GRID1: variants seen among roughly 807,000 people sequenced by gnomAD.
GRID1 encodes glutamate receptor ionotropic, delta-1.
A neutral mutation model predicts 98.0 loss-of-function variants in GRID1; 28 were observed. The observed-to-expected ratio is 0.29, with a 90% CI of 0.21 to 0.39. GRID1 has a LOEUF of 0.39. Among genes scored for constraint, GRID1 ranks in the 10% least tolerant of loss-of-function variants. The pLI, the probability that GRID1 is intolerant of heterozygous loss-of-function variation, is 1.00. For missense variants in GRID1, 1,111 were observed against 1,340.5 expected (o/e 0.83, Z 2.67); for synonymous variants, 553 against 538.5 (o/e 1.03, Z -0.37).
intron 2 of GRID1, among the ~76,000 whole-genome samples, chr10:86,214,957 T>C (rs1846154114): frequency 6.6e-6 from 1 of 152,268 alleles, no homozygotes; most frequent in Non-Finnish European, 1.5e-5. Context: ...GTTTTCAAAC[T>C]TGCCAAGGTC....
intron 2 of GRID1, among the ~76,000 whole-genome samples, chr10:86,256,422 A>G (rs1438904837): frequency 6.6e-6 from 1 of 152,144 alleles, no homozygotes; most frequent in African/African-American, 2.4e-5. Flanking sequence ...CCATGATGGC[A>G]CCACTGCACT....
At chr10:85,977,631 T>C in intron 4 of GRID1, among the ~76,000 whole-genome samples, 1 of 152,224 alleles carries the variant, frequency 6.6e-6, no homozygotes, top group Non-Finnish European at 1.5e-5. Flanking sequence ...CTGCAGAGCC[T>C]GGGAGTGCTC....
chr10:85,935,905 A>G (rs1841919719), intron 4 of GRID1, among the ~76,000 whole-genome samples: 1 of 152,196 alleles, frequency 6.6e-6, no homozygotes, highest in South Asian at 2.1e-4. Flanking sequence ...CTTGCCTTAT[A>G]CCAAGAACTA....
chr10:85,896,660 A>G (rs2131812880), intron 5 of GRID1, among the ~76,000 whole-genome samples: 1 of 152,366 alleles, frequency 6.6e-6, no homozygotes, highest in Middle Eastern at 3.4e-3. Flanking sequence ...TAATAAGCAA[A>G]GAAATACAAA....
rs534620886 is a variant in GRID1, at chr10:85,603,281, C to T, written c.2602-580G>A. Among the ~76,000 whole-genome samples the T allele has an allele frequency of 3.3e-5, 5 of 152,300 alleles. No individual in the cohort carries two copies. The East Asian group carries it at 7.8e-4, about 24-fold the overall frequency. On this transcript the variant is annotated intron_variant, in intron 15 of 15. Coordinates refer to ENST00000327946, the MANE Select transcript of GRID1 (RefSeq NM_017551.3). ...GCCTCACCCAGTGACCTGTGTCCTCCCTGTGCAATCTCTTCAGGCAGCCCA... is the reference window on the plus strand; with the variant it reads ...GCCTCACCCAGTGACCTGTGTCCTCTCTGTGCAATCTCTTCAGGCAGCCCA...
At chr10:85,805,082 T>C (rs1028897326) in intron 8 of GRID1, among the ~76,000 whole-genome samples, 9 of 151,378 alleles carry the variant, frequency 5.9e-5, no homozygotes, top group African/African-American at 2.2e-4. Flanking sequence ...AAGAAAAATA[T>C]ACTAGAATAT....
chr10:85,903,613 T>C (rs1841419681), intron 5 of GRID1, among the ~76,000 whole-genome samples: 1 of 152,170 alleles, frequency 6.6e-6, no homozygotes, highest in South Asian at 2.1e-4. Flanking sequence ...AAAACCCTCC[T>C]CTTGCTTCCA....
At chr10:85,718,822 C>T (rs1321891027) in intron 12 of GRID1, among the ~76,000 whole-genome samples, 1 of 152,228 alleles carries the variant, frequency 6.6e-6, no homozygotes, top group Non-Finnish European at 1.5e-5. Flanking sequence ...TGGGGATTAA[C>T]AGTAGGCTCC....
intron 3 of GRID1, among the ~76,000 whole-genome samples, chr10:86,158,499 ACTCT>A (rs1463837711): frequency 6.6e-6 from 1 of 151,968 alleles, no homozygotes; most frequent in Non-Finnish European, 1.5e-5. Context: ...ACCTTTCCAA[ACTCT>A]CTCTGCTCTG....
intron 4 of GRID1, among the ~76,000 whole-genome samples, chr10:85,918,137 T>C (rs1157728445): frequency 1.5e-4 from 23 of 151,828 alleles, no homozygotes; most frequent in Non-Finnish European, 2.9e-5. Context: ...GGCAATACTC[T>C]TATCAAATGT....
At chr10:86,163,289 G>A (rs1483064531) in intron 3 of GRID1, among the ~76,000 whole-genome samples, 10 of 152,204 alleles carry the variant, frequency 6.6e-5, no homozygotes, top group Non-Finnish European at 2.9e-5. Context: ...ATCAAGCCCA[G>A]GTGAGGCGCT....
At chr10:85,845,718 T>C (rs1262662266) in intron 8 of GRID1, among the ~76,000 whole-genome samples, 1 of 152,296 alleles carries the variant, frequency 6.6e-6, no homozygotes, top group South Asian at 2.1e-4. Flanking sequence ...ATCTTTTCAA[T>C]GGCAGTCGTC....
chr10:85,984,760 G>A (rs976778438), intron 4 of GRID1, among the ~76,000 whole-genome samples: 4 of 152,124 alleles, frequency 2.6e-5, no homozygotes, highest in Admixed American at 2.6e-4. Flanking sequence ...CTAGTCCCCT[G>A]ACAAAAGCAC....
chr10:86,358,895 T>A (rs183738386), intron 2 of GRID1, among the ~76,000 whole-genome samples: 4 of 151,540 alleles, frequency 2.6e-5, no homozygotes, highest in South Asian at 2.1e-4. Context: ...CAGGTCAGCA[T>A]GAGAGGATGT....
intron 4 of GRID1, among the ~76,000 whole-genome samples, chr10:86,115,968 C>G (rs1156973089): frequency 1.3e-5 from 2 of 152,156 alleles, no homozygotes. Context: ...CACCGTGTTA[C>G]TATTGCATTC....
chr10:85,791,556 G>T (rs1286601679), intron 8 of GRID1, among the ~76,000 whole-genome samples: 2 of 152,100 alleles, frequency 1.3e-5, no homozygotes, highest in African/African-American at 4.8e-5. Flanking sequence ...CTTTGAAGGT[G>T]AATGATAACC....
At chr10:86,238,699 C>G (rs370246776) in intron 2 of GRID1, among the ~76,000 whole-genome samples, 23 of 143,386 alleles carry the variant, frequency 1.6e-4, no homozygotes, top group African/African-American at 6.0e-4. Flanking sequence ...AAGCGTTTGG[C>G]GGGGCAAGGT....
At chr10:86,172,537 C>T (rs151111761) in intron 3 of GRID1, among the ~76,000 whole-genome samples, 11 of 152,264 alleles carry the variant, frequency 7.2e-5, no homozygotes, top group Non-Finnish European at 1.5e-4. Context: ...CAAAGTACTG[C>T]CCTACTTAAT....
intron 4 of GRID1, among the ~76,000 whole-genome samples, chr10:86,029,664 A>G (rs1843159535): frequency 1.3e-5 from 2 of 152,102 alleles, no homozygotes; most frequent in Non-Finnish European, 2.9e-5. Context: ...CTTTTTGCCT[A>G]TATTTAGACT....
Sources: allele counts gnomAD v4.1 joint callset (sites outside exome capture counted in the v4.1 genomes callset), GRCh38; gene constraint gnomAD v4.1.1; transcripts MANE v1.5; gene names NCBI Gene and HGNC (gene_info 2026-07-23, HGNC 2026-07-21).